Variants in NME8 observed in about 807,000 individuals in gnomAD.
The protein encoded by NME8 is NME/NM23 family member 8.
NME8 carries 72 observed loss-of-function variants against 82.3 expected under a neutral mutation model. The observed-to-expected ratio is 0.87, with a 90% confidence interval of 0.72 to 1.06. The LOEUF (loss-of-function observed/expected upper bound fraction) is 1.06. Ranked by LOEUF, NME8 falls within the 50% of genes least tolerant of loss-of-function variation. The probability of loss-of-function intolerance (pLI) is 0.00; values close to 1 mark genes in which losing one functional copy is unlikely to be tolerated. For missense variants in NME8, 712 were observed against 685.4 expected (o/e 1.04, Z -0.43); for synonymous variants, 267 against 228.5 (o/e 1.17, Z -1.52).
At chr7:37,885,288 T>C (rs1257548702) in intron 14 of NME8, 36 bp downstream of exon 14, 1 of 1,300,394 alleles carries the variant, frequency 7.7e-7, no homozygotes, top group East Asian at 2.3e-5. Flanking sequence ...TCTGTTTTCG[T>C]GGGCTCCATT....
chr7:37,863,671 A>G (rs146788304), intron 8 of NME8, among the ~76,000 whole-genome samples: 6 of 152,260 alleles, frequency 3.9e-5, no homozygotes, highest in Non-Finnish European at 8.8e-5. Context: ...CTGGGCCTGG[A>G]GCCTTTCAGA....
chr7:37,863,557 C>T (rs987550989), intron 8 of NME8, 95 bp downstream of exon 8: 33 of 772,802 alleles, frequency 4.3e-5, no homozygotes, highest in Non-Finnish European at 7.1e-5. Flanking sequence ...GTAACAAATC[C>T]ATGTTTATTA....
chr7:37,892,592 A>G (rs1195167466), intron 15 of NME8, among the ~76,000 whole-genome samples: 1 of 151,728 alleles, frequency 6.6e-6, no homozygotes, highest in Non-Finnish European at 1.5e-5. Context: ...CACTTTCCCT[A>G]TTGACTTCTC....
At chr7:37,862,222 C>CATTTTG in intron 7 of NME8, 78 bp downstream of exon 7, 1 of 903,920 alleles carries the variant, frequency 1.1e-6, no homozygotes, top group Non-Finnish European at 1.9e-6. Flanking sequence ...ACTACTGGTG[C>CATTTTG]TAGGTACCTC....
chr7:37,874,562 G>A (rs1784818677), intron 11 of NME8, among the ~76,000 whole-genome samples: 1 of 151,908 alleles, frequency 6.6e-6, no homozygotes, highest in Non-Finnish European at 1.5e-5. Flanking sequence ...ATTAACAAGG[G>A]AAAAACATGG....
chr7:37,876,270 C>G (rs1197227809), intron 11 of NME8, among the ~76,000 whole-genome samples: 1 of 149,256 alleles, frequency 6.7e-6, no homozygotes, highest in Non-Finnish European at 1.5e-5. Flanking sequence ...AATAAATTAT[C>G]TATAATATAT....
intron 6 of NME8, 126 bp from the exon 7 acceptor site, chr7:37,861,902 G>T: frequency 1.3e-6 from 1 of 775,190 alleles, no homozygotes; most frequent in East Asian, 2.5e-5. Flanking sequence ...AATTACCATA[G>T]CTAAAAGAGG....
chr7:37,860,570 C>T lies in NME8; in HGVS notation c.271-1458C>T, dbSNP rs567456601. ...CCTCTGTTCCTTTGGCAAATTCACC[C>T]TTCTTTATTCCACGATTAAATATTG... On this transcript the variant is annotated intron_variant, in intron 6 of 17. Transcript: ENST00000199447. Among the ~76,000 whole-genome samples, 5 of 152,278 alleles carry T rather than the reference C, an allele frequency of 3.3e-5. No homozygotes were observed. In the East Asian group the frequency reaches 9.6e-4, roughly 29 times the overall value.
intron 12 of NME8, among the ~76,000 whole-genome samples, chr7:37,882,597 AAGAG>A (rs772102601): frequency 1.5e-3 from 128 of 83,046 alleles, no homozygotes; most frequent in African/African-American, 5.7e-3. Context: ...GAAAGAAAGA[AAGAG>A]AGAGAGAGAG....
At chr7:37,857,130 T>C in intron 5 of NME8, 144 bp from the exon 6 acceptor site, 1 of 651,566 alleles carries the variant, frequency 1.5e-6, no homozygotes, top group Non-Finnish European at 2.7e-6. Flanking sequence ...GTATGTGCAG[T>C]TTGATCCCTA....
At position 37,882,617 on chromosome 7, in the gene NME8, A is replaced by AAG. The variant is rs1225555284; in HGVS notation, c.995-1684_995-1683dup. On this transcript the variant is annotated intron_variant, in intron 12 of 17. Transcript: ENST00000199447. ...AAAGAAAGAGAGAGAGAGAGAGAGAAAGAAAGAAAGAAAGAAAGAAAGAAA... is the reference window on the plus strand; with the variant it reads ...AAAGAAAGAGAGAGAGAGAGAGAGAAAGAGAAAGAAAGAAAGAAAGAAAGAAA... Among the ~76,000 whole-genome samples, 129 of 42,870 alleles carry AAG rather than the reference A, an allele frequency of 3.0e-3. 1 individual carries two copies. The highest frequency in any genetic ancestry group is 0.03 in the South Asian group (41 of 1,388). The allele number at this position is 42,870 out of a possible 152,430, so 28.1% of individuals were successfully genotyped here. A position where few individuals can be genotyped will look rare whatever the true frequency, so the allele number is the denominator to read the frequency against.
chr7:37,860,280 T>C (rs1026170136), intron 6 of NME8, among the ~76,000 whole-genome samples: 1 of 152,180 alleles, frequency 6.6e-6, no homozygotes, highest in Admixed American at 6.5e-5. Flanking sequence ...GTCAGAAGAC[T>C]TTTTATATTT....
chr7:37,888,099 C>T (rs139152869), intron 14 of NME8, among the ~76,000 whole-genome samples, 178 bp from the exon 15 acceptor site: 5 of 152,082 alleles, frequency 3.3e-5, no homozygotes, highest in Non-Finnish European at 7.4e-5. Flanking sequence ...TCCTAATGAC[C>T]GTTATCCTTG....
At chr7:37,877,443 T>G (rs911598305) in intron 12 of NME8, among the ~76,000 whole-genome samples, 1 of 152,224 alleles carries the variant, frequency 6.6e-6, no homozygotes, top group Admixed American at 6.5e-5. Flanking sequence ...CTTTTTAATC[T>G]CATCCCATAT....
At chr7:37,897,735 G>T (rs953116519) in intron 17 of NME8, among the ~76,000 whole-genome samples, 10 of 147,038 alleles carry the variant, frequency 6.8e-5, no homozygotes, top group Non-Finnish European at 1.5e-4. Flanking sequence ...CTCAATGTTC[G>T]ACTCCCACTT....
At chr7:37,868,918 TG>T (rs1317632675) in intron 11 of NME8, among the ~76,000 whole-genome samples, 1 of 152,220 alleles carries the variant, frequency 6.6e-6, no homozygotes, top group African/African-American at 2.4e-5. Flanking sequence ...TGTTTGCGCC[TG>T]TTATTCCTCT....
intron 11 of NME8, among the ~76,000 whole-genome samples, chr7:37,868,907 C>T (rs1188874578): frequency 6.6e-6 from 1 of 152,180 alleles, no homozygotes; most frequent in Non-Finnish European, 1.5e-5. Flanking sequence ...TTATGCGCTG[C>T]TGTTTGCGCC....
intron 11 of NME8, among the ~76,000 whole-genome samples, chr7:37,869,960 CA>C (rs1196057164): frequency 6.6e-6 from 1 of 152,162 alleles, no homozygotes; most frequent in African/African-American, 2.4e-5. Context: ...TCAGATCCGA[CA>C]GGAACAATTA....
Position 37,850,706 on chromosome 7 carries a change from A to G in NME8, c.169A>G (p.Asn57Asp), listed in dbSNP as rs759876007. ...PLFRKLKNEL[N>D]EDEILHFAVA... ...ATTCAGAAAATTGAAAAATGAACTG[A>G]ACGAAGACGAAATTCTGCATTTTGC... Residue 57 changes from asparagine to aspartate, a missense_variant, in exon 5 of 18, where the codon AAC becomes GAC. Coordinates refer to ENST00000199447, the MANE Select transcript of NME8 (RefSeq NM_016616.5). 17 of 1,613,394 alleles carry G rather than the reference A, an allele frequency of 1.1e-5. No individual in the cohort carries two copies. Among genetic ancestry groups the G allele is most frequent in the Non-Finnish European group, 1.4e-5 (16 of 1,179,490 alleles).
Sources: allele counts gnomAD v4.1 joint callset (sites outside exome capture counted in the v4.1 genomes callset), GRCh38; gene constraint gnomAD v4.1.1; transcripts MANE v1.5; gene names NCBI Gene and HGNC (gene_info 2026-07-23, HGNC 2026-07-21).